The following GLIS3 variants were observed in gnomAD, a reference collection of about 807,000 sequenced individuals.
GLIS3 encodes the protein GLIS family zinc finger 3.
GLIS3 carries 53 observed loss-of-function variants against 78.6 expected under a neutral mutation model. The ratio of observed to expected loss-of-function variants is 0.67; its 90% CI spans 0.54 to 0.85. The LOEUF (loss-of-function observed/expected upper bound fraction) is 0.85, where lower values mean the gene tolerates loss of function less well. Ranked by LOEUF, GLIS3 falls within the 40% of genes least tolerant of loss-of-function variation. The pLI is 0.00. For synonymous variants in GLIS3, 684 were observed against 509.9 expected, an observed-to-expected ratio of 1.34 and a Z score of -4.60; for missense variants, 1,703 against 1,231.1, an observed-to-expected ratio of 1.38 and a Z score of -5.74.
At chr9:4,239,694 C>G (rs1823111373) in intron 2 of GLIS3, among the ~76,000 whole-genome samples, 1 of 152,226 alleles carries the variant, frequency 6.6e-6, no homozygotes, top group African/African-American at 2.4e-5. Context: ...CCATTACCTA[C>G]TTCCCTCCCT....
the GLIS3 span, among the ~76,000 whole-genome samples, chr9:4,409,770 A>G: frequency 6.6e-6 from 1 of 152,238 alleles, no homozygotes; most frequent in Admixed American, 6.5e-5. Flanking sequence ...AATTTCTCAT[A>G]AAACAAAGAT....
At chr9:4,140,121 T>G (rs901175251) in intron 2 of GLIS3, among the ~76,000 whole-genome samples, 1 of 152,158 alleles carries the variant, frequency 6.6e-6, no homozygotes, top group African/African-American at 2.4e-5. Context: ...CTCTGGAGTG[T>G]GAGACCAGCC....
At chr9:4,468,621 A>T in the GLIS3 span, among the ~76,000 whole-genome samples, 1 of 152,244 alleles carries the variant, frequency 6.6e-6, no homozygotes, top group Non-Finnish European at 1.5e-5. Context: ...GCCTTACAAG[A>T]GCTCCTGAAG....
the GLIS3 span, among the ~76,000 whole-genome samples, chr9:4,399,407 G>A: frequency 3.9e-5 from 6 of 152,168 alleles, no homozygotes; most frequent in Non-Finnish European, 7.3e-5. Flanking sequence ...TCTTACAACA[G>A]CACTGAAAGT....
At chr9:4,097,686 T>C (rs1234165117) in intron 4 of GLIS3, among the ~76,000 whole-genome samples, 1 of 152,222 alleles carries the variant, frequency 6.6e-6, no homozygotes. Context: ...AGTGCTATTG[T>C]TGTTGAATGT....
chr9:4,295,302 G>C (rs1330970737), intron 1 of GLIS3, among the ~76,000 whole-genome samples: 1 of 152,106 alleles, frequency 6.6e-6, no homozygotes, highest in South Asian at 2.1e-4. Flanking sequence ...TGTCACATTA[G>C]ACATTTCACT....
intron 2 of GLIS3, among the ~76,000 whole-genome samples, chr9:4,328,502 A>T (rs1360627961): frequency 2.6e-5 from 4 of 152,210 alleles, no homozygotes; most frequent in Non-Finnish European, 5.9e-5. Context: ...CTCTGCCCTA[A>T]ACCATAATCC....
At chr9:4,107,064 G>C (rs1016907839) in intron 4 of GLIS3, among the ~76,000 whole-genome samples, 1 of 152,078 alleles carries the variant, frequency 6.6e-6, no homozygotes, top group Non-Finnish European at 1.5e-5. Context: ...TGAAAAGCAA[G>C]TTATAGGAGC....
intron 2 of GLIS3, among the ~76,000 whole-genome samples, chr9:4,208,287 C>T (rs917694139): frequency 2.6e-5 from 4 of 152,152 alleles, no homozygotes; most frequent in Non-Finnish European, 5.9e-5. Flanking sequence ...GCGGCTTGGG[C>T]ATGGGGGATG....
intron 2 of GLIS3, among the ~76,000 whole-genome samples, chr9:4,190,910 A>G (rs1363249149): frequency 6.6e-6 from 1 of 152,236 alleles, no homozygotes; most frequent in African/African-American, 2.4e-5. Context: ...TTTTCAACCC[A>G]GAATTTCACA....
intron 1 of GLIS3, chr9:4,298,316 C>T (rs1816778080): frequency 6.6e-6 from 3 of 455,292 alleles, no homozygotes; most frequent in Non-Finnish European, 1.3e-5. Context: ...TCCCAAACAC[C>T]TCCAGCAAGT....
At chr9:4,291,900 G>C (rs990195854) in intron 1 of GLIS3, among the ~76,000 whole-genome samples, 5 of 152,066 alleles carry the variant, frequency 3.3e-5, no homozygotes, top group African/African-American at 7.2e-5. Flanking sequence ...GTAATTATTA[G>C]AAGTGTTTCA....
At chr9:4,432,579 G>C in the GLIS3 span, among the ~76,000 whole-genome samples, 1 of 150,188 alleles carries the variant, frequency 6.7e-6, no homozygotes, top group Non-Finnish European at 1.5e-5. Context: ...CAAGCCTTGT[G>C]TTCCAAAAAT....
intron 4 of GLIS3, among the ~76,000 whole-genome samples, chr9:3,982,619 A>C (rs1819396396): frequency 6.6e-6 from 1 of 152,184 alleles, no homozygotes; most frequent in Non-Finnish European, 1.5e-5. Context: ...AATAAGTGAA[A>C]ACTAATACAT....
Position 4,118,561 on chromosome 9 carries a change from G to T in GLIS3, c.917C>A (p.Ser306Tyr). The T allele has an allele frequency of 6.2e-7, 1 of 1,614,246 alleles. No homozygotes were observed. Among genetic ancestry groups the T allele is most frequent in the South Asian group, 1.1e-5 (1 of 91,086 alleles). The change falls in exon 4 of 11, where the codon TCC becomes TAC. Residue 306 changes from serine (S) to tyrosine (Y), a missense_variant. Coordinates refer to ENST00000381971, the MANE Select transcript of GLIS3 (RefSeq NM_001042413.2). This position sits in a 1 kb window ranked among gnomAD's most constrained non-coding sequence, Gnocchi z 4.7. ...TATCCCGATGCCATCGGACAGCGGGGACAAGGACAGCGCTCTCTTCTTGGA... is the reference window on the plus strand; with the variant it reads ...TATCCCGATGCCATCGGACAGCGGGTACAAGGACAGCGCTCTCTTCTTGGA... ...ARSKKRALSL[S>Y]PLSDGIGIDF...
chr9:4,370,896 G>A, the GLIS3 span, among the ~76,000 whole-genome samples: 639 of 152,052 alleles, frequency 4.2e-3, 4 homozygotes, highest in African/African-American at 0.014. Flanking sequence ...TGAAACCTCA[G>A]AAGGCAAAAG....
At chr9:4,373,670 C>CTTTTTTTTTT in the GLIS3 span, among the ~76,000 whole-genome samples, 1 of 139,762 alleles carries the variant, frequency 7.2e-6, no homozygotes, top group Non-Finnish European at 1.6e-5. Flanking sequence ...ATTTTCTTTT[C>CTTTTTTTTTT]TTTTTTTTTT....
intron 6 of GLIS3, among the ~76,000 whole-genome samples, chr9:3,926,663 G>GCT (rs1253396419): frequency 6.7e-6 from 1 of 150,186 alleles, no homozygotes; most frequent in African/African-American, 2.5e-5. Flanking sequence ...TGTCACCCAG[G>GCT]CTGGAGTGCA....
upstream of GLIS3, among the ~76,000 whole-genome samples, chr9:4,352,363 G>C (rs1437360909): frequency 6.6e-6 from 1 of 152,194 alleles, no homozygotes; most frequent in East Asian, 1.9e-4. Flanking sequence ...AGAGTCCCTT[G>C]GTCATTTATC....
Sources: allele counts gnomAD v4.1 joint callset (sites outside exome capture counted in the v4.1 genomes callset), GRCh38; gene constraint gnomAD v4.1.1; non-coding constraint Gnocchi (gnomAD v3.1); transcripts MANE v1.5; gene names NCBI Gene and HGNC (gene_info 2026-07-23, HGNC 2026-07-21).